Variants in GNAQ observed in about 807,000 individuals in gnomAD.
GNAQ encodes guanine nucleotide-binding protein G(q) subunit alpha.
GNAQ carries 8 observed loss-of-function variants against 43.9 expected under a neutral mutation model. The ratio of observed to expected loss-of-function variants is 0.18; its 90% CI spans 0.11 to 0.33. The LOEUF (loss-of-function observed/expected upper bound fraction) is 0.33. GNAQ is among the 10% of genes least tolerant of loss of function. The probability of loss-of-function intolerance (pLI) is 1.00; values close to 1 mark genes in which losing one functional copy is unlikely to be tolerated. For synonymous variants in GNAQ, 155 were observed against 170.7 expected, an observed-to-expected ratio of 0.91 and a Z score of 0.71; for missense variants, 158 against 450.8, an observed-to-expected ratio of 0.35 and a Z score of 5.88.
intron 2 of GNAQ, among the ~76,000 whole-genome samples, chr9:77,867,492 TA>T (rs1331492718): frequency 1.3e-5 from 2 of 152,232 alleles, no homozygotes; most frequent in Admixed American, 1.3e-4. Flanking sequence ...GGTAGAGTCT[TA>T]ATAAAACATT....
chr9:77,847,881 G>A (rs891567221), intron 2 of GNAQ, among the ~76,000 whole-genome samples: 3 of 152,330 alleles, frequency 2.0e-5, no homozygotes, highest in East Asian at 1.9e-4. Flanking sequence ...GCCTGCCCAT[G>A]GGGCCTAGAG....
At chr9:77,802,163 T>C (rs1826753137) in intron 3 of GNAQ, among the ~76,000 whole-genome samples, 1 of 151,788 alleles carries the variant, frequency 6.6e-6, no homozygotes, top group African/African-American at 2.4e-5. Flanking sequence ...TGAGACTCTG[T>C]CTCAAAAAAA....
chr9:77,802,553 T>TA lies in GNAQ; in HGVS notation c.477-4906dup, dbSNP rs1002902910. Among the ~76,000 whole-genome samples, 389 of 149,630 alleles carry TA rather than the reference T, an allele frequency of 2.6e-3. 4 individuals carry two copies. The highest frequency in any genetic ancestry group is 8.0e-3 in the African/African-American group (325 of 40,794). On this transcript the variant is annotated intron_variant, in intron 3 of 6. Transcript: ENST00000286548. ...AAATTATTCCATTCATTCGACCTTT[T>TA]AAAAAAAAAACCACACCGAGGTCTG...
intron 3 of GNAQ, among the ~76,000 whole-genome samples, chr9:77,798,623 T>A (rs551170619): frequency 9.9e-5 from 15 of 152,266 alleles, no homozygotes; most frequent in African/African-American, 3.6e-4. Context: ...GATGCTCAAG[T>A]CCTCCATATA....
rs2118217460 is a variant in GNAQ at position 77,728,568 on chromosome 9, G to A, written c.835C>T (p.Leu279=). ...TGGGAATACATGATTTTCTCCTCTA[G>A]AAGATCTTTCTTGTTTAAGAACAGA... The part of the protein sequence containing the change: ...VILFLNKKDL[L]EEKIMYSHLV... The change falls in exon 6 of 7, where the codon CTA becomes TTA. Residue 279 remains leucine (L), a synonymous_variant. Coordinates refer to ENST00000286548, the MANE Select transcript of GNAQ (RefSeq NM_002072.5). The A allele has an allele frequency of 1.9e-6, 3 of 1,602,482 alleles. No homozygotes were observed. The highest frequency in any genetic ancestry group is 4.5e-5 in the East Asian group (2 of 44,796).
At chr9:77,979,450 G>T (rs1823342878) in intron 1 of GNAQ, among the ~76,000 whole-genome samples, 1 of 152,082 alleles carries the variant, frequency 6.6e-6, no homozygotes, top group African/African-American at 2.4e-5. Flanking sequence ...TTGTGTCCAT[G>T]TTGTTCTTTT....
chr9:77,971,838 A>G (rs1381565908), intron 1 of GNAQ, among the ~76,000 whole-genome samples: 7 of 152,190 alleles, frequency 4.6e-5, no homozygotes, highest in African/African-American at 1.7e-4. Flanking sequence ...AGTGGTTTGT[A>G]GTTCTCCTTG....
chr9:77,900,757 C>T (rs778031380), intron 2 of GNAQ, among the ~76,000 whole-genome samples: 1 of 152,092 alleles, frequency 6.6e-6, no homozygotes, highest in Non-Finnish European at 1.5e-5. Context: ...CACTTACTTA[C>T]CCTTCTTTCT....
chr9:78,030,457 G>A (rs957375751), intron 1 of GNAQ: 3 of 464,054 alleles, frequency 6.5e-6, no homozygotes, highest in African/African-American at 2.0e-5. Context: ...TTGCCCTCCC[G>A]CCTCGCCCCC....
chr9:77,896,454 T>C (rs1828504101), intron 2 of GNAQ, among the ~76,000 whole-genome samples: 1 of 152,220 alleles, frequency 6.6e-6, no homozygotes, highest in Non-Finnish European at 1.5e-5. Context: ...GGAAGTCCTA[T>C]CTGTCCTAAA....
chr9:77,825,210 T>C (rs540041825), intron 2 of GNAQ, among the ~76,000 whole-genome samples: 11 of 152,312 alleles, frequency 7.2e-5, no homozygotes, highest in Admixed American at 6.5e-4. Flanking sequence ...TTCAAGTTTC[T>C]AAAAAAACTT....
chr9:77,880,565 T>TTG (rs1554722759), intron 2 of GNAQ, among the ~76,000 whole-genome samples: 129 of 149,902 alleles, frequency 8.6e-4, no homozygotes, highest in Non-Finnish European at 1.6e-3. Flanking sequence ...GTTTTTTTTT[T>TTG]TTTGTTTTTT....
intron 2 of GNAQ, among the ~76,000 whole-genome samples, chr9:77,916,479 C>T (rs1367230104): frequency 6.6e-6 from 1 of 152,094 alleles, no homozygotes; most frequent in Non-Finnish European, 1.5e-5. Context: ...TGAAAAATGG[C>T]TTCTGGGACC....
intron 1 of GNAQ, among the ~76,000 whole-genome samples, chr9:77,949,605 T>C (rs917042003): frequency 7.2e-5 from 11 of 152,090 alleles, no homozygotes; most frequent in Non-Finnish European, 1.5e-4. Context: ...ATCTCAGCCC[T>C]AGACCTGACA....
chr9:77,772,906 C>T (rs1372245536), intron 5 of GNAQ, among the ~76,000 whole-genome samples: 2 of 152,056 alleles, frequency 1.3e-5, no homozygotes, highest in South Asian at 2.1e-4. Context: ...AGCTGATGAG[C>T]TAAACAAAAA....
Position 77,797,329 on chromosome 9 carries a change from G to A in GNAQ, c.605+191C>T, listed in dbSNP as rs570762634. Among the ~76,000 whole-genome samples, 53 of 152,200 alleles carry A rather than the reference G, an allele frequency of 3.5e-4. 1 individual carries two copies. The South Asian group carries it at 3.5e-3, about 10-fold the overall frequency. On this transcript the variant is annotated intron_variant, in intron 4 of 6. Coordinates refer to ENST00000286548, the MANE Select transcript of GNAQ (RefSeq NM_002072.5). ...ATAACAGGCGTGAGCCACCGCGCCC[G>A]GCCTCCAGTACATCTTTCTGTTATT...
chr9:77,779,923 A>G lies in GNAQ; in HGVS notation c.735+14540T>C, dbSNP rs1217510930. 3.9e-5 allele frequency among the ~76,000 whole-genome samples: 6 copies of G among 151,992 alleles called. No homozygotes were observed. In the East Asian group the frequency reaches 1.2e-3, roughly 29 times the overall value. On this transcript the variant is annotated intron_variant, in intron 5 of 6. Coordinates refer to ENST00000286548, the MANE Select transcript of GNAQ (RefSeq NM_002072.5). ...ATTCAGTAACCGAAATGGAACAACA[A>G]TTAACCTTCCCGAACAGTAAACAGG...
chr9:77,940,484 G>T (rs905618060), intron 1 of GNAQ, among the ~76,000 whole-genome samples: 1 of 152,050 alleles, frequency 6.6e-6, no homozygotes, highest in African/African-American at 2.4e-5. Flanking sequence ...AAGGCTGAGG[G>T]GAGAGGATCA....
At chr9:77,881,916 T>C (rs1183943709) in intron 2 of GNAQ, among the ~76,000 whole-genome samples, 34 of 152,060 alleles carry the variant, frequency 2.2e-4, no homozygotes, top group Admixed American at 2.2e-3. Context: ...GGCAGGCGGA[T>C]CACTTGAGGT....
Sources: allele counts gnomAD v4.1 joint callset (sites outside exome capture counted in the v4.1 genomes callset), GRCh38; gene constraint gnomAD v4.1.1; transcripts MANE v1.5; gene names NCBI Gene and HGNC (gene_info 2026-07-23, HGNC 2026-07-21).